The following MTSS1 variants were observed in gnomAD, a reference collection of about 807,000 sequenced individuals.
The protein encoded by MTSS1 is protein MTSS 1.
In MTSS1, 18 loss-of-function variants were observed where a neutral mutation model predicts 79.0. The ratio of observed to expected loss-of-function variants is 0.23; its 90% CI spans 0.16 to 0.34. The LOEUF (loss-of-function observed/expected upper bound fraction) is 0.34, where lower values mean the gene tolerates loss of function less well. MTSS1 is among the 10% of genes least tolerant of loss of function. The probability of loss-of-function intolerance (pLI) is 1.00; values close to 1 mark genes in which losing one functional copy is unlikely to be tolerated. For synonymous variants in MTSS1, 341 were observed against 368.6 expected, an observed-to-expected ratio of 0.93 and a Z score of 0.86; for missense variants, 815 against 986.2, an observed-to-expected ratio of 0.83 and a Z score of 2.33.
At chr8:124,602,349 A>G (rs901076573) in intron 3 of MTSS1, among the ~76,000 whole-genome samples, 1 of 151,552 alleles carries the variant, frequency 6.6e-6, no homozygotes, top group Admixed American at 6.6e-5. Flanking sequence ...ACAAGTGTGC[A>G]CTACTACACC....
intron 1 of MTSS1, among the ~76,000 whole-genome samples, chr8:124,723,752 G>A (rs1309572306): frequency 1.3e-5 from 2 of 152,206 alleles, no homozygotes; most frequent in African/African-American, 2.4e-5. Context: ...CATTTGCTAA[G>A]AGAAAAGCCA....
At chr8:124,669,829 T>C (rs1329700378) in intron 3 of MTSS1, among the ~76,000 whole-genome samples, 1 of 152,252 alleles carries the variant, frequency 6.6e-6, no homozygotes, top group Admixed American at 6.5e-5. Context: ...GGAATCTCCC[T>C]ACACTAGATA....
intron 6 of MTSS1, among the ~76,000 whole-genome samples, chr8:124,575,098 T>C (rs1280911256): frequency 6.6e-6 from 1 of 152,146 alleles, no homozygotes; most frequent in East Asian, 1.9e-4. Context: ...GAAATGGACA[T>C]GCAAGGTGAC....
intron 6 of MTSS1, among the ~76,000 whole-genome samples, chr8:124,581,718 A>G (rs1830083041): frequency 6.6e-6 from 1 of 152,118 alleles, no homozygotes; most frequent in African/African-American, 2.4e-5. Flanking sequence ...CCTCCCAAAG[A>G]GCTGGGATTA....
At chr8:124,611,196 T>C (rs1004485927) in intron 3 of MTSS1, among the ~76,000 whole-genome samples, 1 of 151,138 alleles carries the variant, frequency 6.6e-6, no homozygotes, top group Admixed American at 6.6e-5. Flanking sequence ...TCAATTATCT[T>C]TTGAGACAAA....
At chr8:124,720,976 T>C (rs868828698) in intron 1 of MTSS1, among the ~76,000 whole-genome samples, 1 of 152,206 alleles carries the variant, frequency 6.6e-6, no homozygotes, top group Admixed American at 6.5e-5. Context: ...CCCATGGGAT[T>C]TGAGTCAGAT....
At chr8:124,639,452 C>G (rs1331093286) in intron 3 of MTSS1, among the ~76,000 whole-genome samples, 1 of 152,082 alleles carries the variant, frequency 6.6e-6, no homozygotes, top group Non-Finnish European at 1.5e-5. Context: ...ACTATTATAT[C>G]TTTCTGATGG....
Position 124,567,051 on chromosome 8 carries a change from G to A in MTSS1, c.726+20C>T. On this transcript the variant is annotated intron_variant, in intron 8 of 13. Coordinates refer to ENST00000518547, the MANE Select transcript of MTSS1 (RefSeq NM_014751.6). ...ACCTCTTTGGTTTGATCCTGTAAGT[G>A]CTTAACCCCTGAAGCCTACCTGTTC... 6.4e-7 allele frequency: 1 copy of A among 1,571,654 alleles called. No individual in the cohort carries two copies. The highest frequency in any genetic ancestry group is 8.8e-7 in the Non-Finnish European group (1 of 1,141,804).
At chr8:124,568,160 T>G (rs1826941012) in intron 7 of MTSS1, 2 of 686,004 alleles carry the variant, frequency 2.9e-6, no homozygotes, top group African/African-American at 3.6e-5. Flanking sequence ...CTTGACTTGG[T>G]GAGACAAAGT....
At chr8:124,634,101 TTTA>T (rs1816537205) in intron 3 of MTSS1, among the ~76,000 whole-genome samples, 1 of 151,344 alleles carries the variant, frequency 6.6e-6, no homozygotes, top group African/African-American at 2.4e-5. Context: ...TATTTATTTA[TTTA>T]TTTTTAATTT....
rs752622505 is a variant in MTSS1, at chr8:124,553,176, G to C, written c.2084C>G (p.Ala695Gly). 6 of 1,614,130 alleles carry C rather than the reference G, an allele frequency of 3.7e-6. No homozygotes were observed. The African/African-American group carries it at 5.3e-5, about 14-fold the overall frequency. ...TGGGGGTTCCCGTTCCTGGTCTTCA[G>C]CTTCACTTTCTGGAATTGCCTGTCT... ...EHRQAIPESE[A>G]EDQEREPPSA... The change falls in exon 14 of 14, where the codon GCT (alanine) becomes GGT (glycine). Residue 695 changes from alanine to glycine, a missense_variant. This residue lies in a region of MTSS1 where 590 missense variants were observed against 620.8 expected (regional missense o/e 0.95). Coordinates refer to ENST00000518547, the MANE Select transcript of MTSS1 (RefSeq NM_014751.6). The surrounding 1 kb of genome is among the most constrained non-coding windows in gnomAD (Gnocchi z 6.0).
intron 4 of MTSS1, among the ~76,000 whole-genome samples, chr8:124,590,575 C>G (rs1831678615): frequency 6.6e-6 from 1 of 152,144 alleles, no homozygotes; most frequent in Non-Finnish European, 1.5e-5. Flanking sequence ...TGTGCAGTCT[C>G]CCAAACAGAA....
chr8:124,721,629 C>T (rs1050215162), intron 1 of MTSS1, among the ~76,000 whole-genome samples: 3 of 152,070 alleles, frequency 2.0e-5, no homozygotes, highest in African/African-American at 7.2e-5. Flanking sequence ...AGGCTCGTCT[C>T]AAACTCCTGG....
chr8:124,693,859 T>C (rs1828357504), intron 3 of MTSS1, among the ~76,000 whole-genome samples: 1 of 152,116 alleles, frequency 6.6e-6, no homozygotes, highest in South Asian at 2.1e-4. Flanking sequence ...TCATAGCTAA[T>C]AAGAACCAAG....
chr8:124,669,322 G>T (rs1823701128), intron 3 of MTSS1, among the ~76,000 whole-genome samples: 1 of 152,238 alleles, frequency 6.6e-6, no homozygotes, highest in African/African-American at 2.4e-5. Flanking sequence ...GAGATAGTGT[G>T]ACAAATGATG....
chr8:124,615,377 T>C (rs1836652040), intron 3 of MTSS1, among the ~76,000 whole-genome samples: 1 of 152,092 alleles, frequency 6.6e-6, no homozygotes, highest in East Asian at 1.9e-4. Context: ...TACAATGGAT[T>C]ATTCAGGCCT....
chr8:124,630,790 CA>C (rs1024479731), intron 3 of MTSS1, among the ~76,000 whole-genome samples: 1 of 152,042 alleles, frequency 6.6e-6, no homozygotes, highest in East Asian at 1.9e-4. Flanking sequence ...AAATCTAATA[CA>C]AAAAAAATGA....
chr8:124,684,772 T>C (rs1460447785), intron 3 of MTSS1, among the ~76,000 whole-genome samples: 2 of 152,124 alleles, frequency 1.3e-5, no homozygotes, highest in South Asian at 2.1e-4. Flanking sequence ...GGTAGATAAG[T>C]AGAAAACCCC....
chr8:124,649,833 T>G (rs1253336491), intron 3 of MTSS1, among the ~76,000 whole-genome samples: 2 of 151,972 alleles, frequency 1.3e-5, no homozygotes, highest in Non-Finnish European at 2.9e-5. Context: ...GGAAAAACAC[T>G]GAGCTGTTTC....
Sources: gnomAD v4.1 joint callset for allele counts (sites outside exome capture counted in the v4.1 genomes callset) on GRCh38, gnomAD v4.1.1 for gene constraint, gnomAD v4.1.1 regional missense constraint, Gnocchi (gnomAD v3.1) non-coding constraint, MANE v1.5 for transcripts, NCBI Gene and HGNC (gene_info 2026-07-23, HGNC 2026-07-21) for gene names.